Variants in SCN8A observed in about 807,000 individuals in gnomAD.
The protein encoded by SCN8A is sodium voltage-gated channel alpha subunit 8, also known as sodium channel protein type 8 subunit alpha.
In SCN8A, 30 loss-of-function variants were observed where a neutral mutation model predicts 184.1. The ratio of observed to expected loss-of-function variants is 0.16; its 90% confidence interval spans 0.12 to 0.22. SCN8A has a LOEUF of 0.22. Ranked by LOEUF, SCN8A falls within the 10% of genes least tolerant of loss-of-function variation. The pLI is 1.00. For synonymous variants in SCN8A, 852 were observed against 907.0 expected (o/e 0.94, Z 1.09); for missense variants, 1,057 against 2,498.9 (o/e 0.42, Z 12.30).
At chr12:51,648,359 C>G (rs1004153173) in intron 1 of SCN8A, among the ~76,000 whole-genome samples, 3 of 152,168 alleles carry the variant, frequency 2.0e-5, no homozygotes, top group Admixed American at 1.3e-4. Context: ...TGCCACCACC[C>G]TTGGTGTGTA....
intron 1 of SCN8A, among the ~76,000 whole-genome samples, chr12:51,639,879 C>CTTTTTTATTTTTTT (rs1940407186): frequency 6.6e-5 from 1 of 15,078 alleles, no homozygotes; most frequent in Non-Finnish European, 1.1e-4. Flanking sequence ...AAGGTATATG[C>CTTTTTTATTTTTTT]TTTTTTTTTT....
At chr12:51,594,974 A>C (rs561834937) in intron 1 of SCN8A, among the ~76,000 whole-genome samples, 2 of 152,286 alleles carry the variant, frequency 1.3e-5, no homozygotes, top group East Asian at 3.9e-4. Flanking sequence ...TCCAAAAAAA[A>C]CTGTAATGTG....
In SCN8A at chr12:51,769,871, C is replaced by T. The variant is rs749738166; in HGVS notation, c.3376C>T (p.Leu1126=). 1.4e-5 allele frequency: 22 copies of T among 1,592,964 alleles called. No homozygotes were observed. The highest frequency in any genetic ancestry group is 1.9e-5 in the Non-Finnish European group (22 of 1,168,966). The change falls in exon 18 of 27, where the codon CTA becomes TTA. Residue 1126 remains leucine, a synonymous_variant. Transcript: ENST00000627620. The part of the protein sequence containing the change: ...ESDPEGSKDK[L]DDTSSSEGST... ...TCCCTTTTCCTTGCGTGTCTAGAAA[C>T]TAGATGACACCAGCTCCTCTGAAGG...
At position 51,631,542 on chromosome 12, in the gene SCN8A, C is replaced by G. The variant is rs187097247; in HGVS notation, c.-54-31222C>G. Among the ~76,000 whole-genome samples the G allele has an allele frequency of 2.9e-4, 44 of 152,310 alleles. No individual in the cohort carries two copies. In the East Asian group the frequency reaches 8.3e-3, roughly 29 times the overall value. ...TTAAGACCACTACCTGAAGCAGCCTCCAGTGTAGCAAGAAAGCAACATCTG... is the reference window on the plus strand; with the variant it reads ...TTAAGACCACTACCTGAAGCAGCCTGCAGTGTAGCAAGAAAGCAACATCTG... On this transcript the variant is annotated intron_variant, in intron 1 of 26. Coordinates refer to ENST00000627620, the MANE Select transcript of SCN8A (RefSeq NM_001330260.2).
At chr12:51,763,213 A>G (rs1027145048) in intron 15 of SCN8A, among the ~76,000 whole-genome samples, 2 of 152,212 alleles carry the variant, frequency 1.3e-5, no homozygotes, top group Non-Finnish European at 2.9e-5. Context: ...TCCGCTTTAC[A>G]TTCTGCAAAA....
chr12:51,746,466 C>T (rs1022954348), intron 13 of SCN8A, among the ~76,000 whole-genome samples: 2 of 152,148 alleles, frequency 1.3e-5, no homozygotes, highest in African/African-American at 4.8e-5. Context: ...ACTTACAGCC[C>T]TTTTGGTTTT....
Position 51,640,212 on chromosome 12 carries a change from GTTTTTTTTTTTTTTTTTTTTTTTTTTT to G in SCN8A, c.-54-22537_-54-22511del, listed in dbSNP as rs57362371. ...GGATATGAGCACATGTGCCTGGCCT[GTTTTTTTTTTTTTTTTTTTTTTTTTTT>G]TTTTTTTTTTTTTTAAGACAGTGCT... On this transcript the variant is annotated intron_variant, in intron 1 of 26. Coordinates refer to ENST00000627620, the MANE Select transcript of SCN8A (RefSeq NM_001330260.2). 2.6e-4 allele frequency among the ~76,000 whole-genome samples: 9 copies of G among 34,732 alleles called. 1 individual carries two copies. The highest frequency in any genetic ancestry group is 4.8e-4 in the African/African-American group (4 of 8,296). The allele number at this position is 34,732 out of a possible 152,430, so 22.8% of individuals were successfully genotyped here. A position where few individuals can be genotyped will look rare whatever the true frequency, so the allele number is the denominator to read the frequency against.
At chr12:51,729,276 A>G (rs1328272717) in intron 12 of SCN8A, among the ~76,000 whole-genome samples, 1 of 152,206 alleles carries the variant, frequency 6.6e-6, no homozygotes, top group Admixed American at 6.5e-5. Context: ...ATTGAGGATC[A>G]TTCCCTAAAC....
intron 26 of SCN8A, among the ~76,000 whole-genome samples, chr12:51,804,802 C>T (rs1474341017): frequency 6.6e-6 from 1 of 152,168 alleles, no homozygotes; most frequent in Non-Finnish European, 1.5e-5. Context: ...TCACGACTTG[C>T]AGCACAAAAT....
chr12:51,682,752 CTG>C (rs1941356474), intron 2 of SCN8A, among the ~76,000 whole-genome samples: 1 of 152,200 alleles, frequency 6.6e-6, no homozygotes, highest in African/African-American at 2.4e-5. Flanking sequence ...GATGTTAGGA[CTG>C]TGTATCTGCC....
intron 11 of SCN8A, chr12:51,713,188 T>C (rs1389905803): frequency 1.7e-6 from 2 of 1,178,034 alleles, no homozygotes; most frequent in African/African-American, 1.5e-5. Context: ...TCTCAAATTA[T>C]ATTCCTTTGT....
chr12:51,770,672 A>G lies in SCN8A; in HGVS notation c.3634A>G (p.Ser1212Gly). 6.2e-7 allele frequency: 1 copy of G among 1,614,124 alleles called. No homozygotes were observed. The highest frequency in any genetic ancestry group is 8.5e-7 in the Non-Finnish European group (1 of 1,179,980). Residue 1212 changes from serine to glycine, a missense_variant, in exon 19 of 27, where the codon AGT becomes GGT. By Grantham distance (56) the Ser-to-Gly change is moderately conservative (BLOSUM62 0). Around this residue, in one of 19 missense-constraint regions of SCN8A, gnomAD observed 43 missense variants for 118.4 expected, o/e 0.36. Coordinates refer to ENST00000627620, the MANE Select transcript of SCN8A (RefSeq NM_001330260.2). ...CATCATCTTCATGATTCTGCTGAGCAGTGGCGCCCTGGTGAGGTCCAGGGG... is the reference window on the plus strand; with the variant it reads ...CATCATCTTCATGATTCTGCTGAGCGGTGGCGCCCTGGTGAGGTCCAGGGG... ...TFIIFMILLS[S>G]GALAFEDIYI...
At chr12:51,697,872 G>A (rs951250353) in intron 6 of SCN8A, among the ~76,000 whole-genome samples, 4 of 151,988 alleles carry the variant, frequency 2.6e-5, no homozygotes, top group African/African-American at 9.7e-5. Flanking sequence ...TTTTTGAGAC[G>A]GAGTCTCGCT....
chr12:51,609,576 T>TGTTTTGTCTGATATAA (rs1939671569), intron 1 of SCN8A, among the ~76,000 whole-genome samples: 1 of 152,202 alleles, frequency 6.6e-6, no homozygotes, highest in East Asian at 1.9e-4. Flanking sequence ...CTTTAAAGTT[T>TGTTTTGTCTGATATAA]GTTTTGTCTG....
intron 26 of SCN8A, among the ~76,000 whole-genome samples, chr12:51,795,336 A>G (rs1383604194): frequency 6.6e-6 from 1 of 152,230 alleles, no homozygotes; most frequent in African/African-American, 2.4e-5. Flanking sequence ...CCTGGCAGGC[A>G]GGCAGAAGGA....
chr12:51,736,259 C>G (rs1942324265), intron 12 of SCN8A, among the ~76,000 whole-genome samples: 1 of 152,206 alleles, frequency 6.6e-6, no homozygotes, highest in East Asian at 1.9e-4. Flanking sequence ...CCCATCACCA[C>G]AAAACACTGC....
At chr12:51,683,952 A>G (rs866324172) in intron 2 of SCN8A, among the ~76,000 whole-genome samples, 4 of 152,206 alleles carry the variant, frequency 2.6e-5, no homozygotes, top group Non-Finnish European at 4.4e-5. Flanking sequence ...TATTCTGTAA[A>G]ACTGCCAAGA....
chr12:51,679,616 C>T (rs1003413140), intron 2 of SCN8A, among the ~76,000 whole-genome samples: 9 of 151,886 alleles, frequency 5.9e-5, no homozygotes, highest in African/African-American at 1.7e-4. Flanking sequence ...TTGCTGGTGC[C>T]GGGTATATTA....
intron 11 of SCN8A, among the ~76,000 whole-genome samples, chr12:51,710,473 T>C (rs1941856074): frequency 6.6e-6 from 1 of 152,156 alleles, no homozygotes; most frequent in Non-Finnish European, 1.5e-5. Context: ...AAGACCACCC[T>C]GGGCAACATA....
Sources: gnomAD v4.1 joint callset for allele counts (sites outside exome capture counted in the v4.1 genomes callset) on GRCh38, gnomAD v4.1.1 for gene constraint, gnomAD v4.1.1 regional missense constraint, MANE v1.5 for transcripts, NCBI Gene and HGNC (gene_info 2026-07-23, HGNC 2026-07-21) for gene names.